The following OPRM1 variants were observed in gnomAD, a reference collection of about 807,000 sequenced individuals.
The protein encoded by OPRM1 is mu-type opioid receptor.
A neutral mutation model predicts 31.8 loss-of-function variants in OPRM1; 27 were observed. The ratio of observed to expected loss-of-function variants is 0.85; its 90% CI spans 0.63 to 1.17. OPRM1 has a LOEUF of 1.17. OPRM1 is among the 50% of genes most tolerant of loss of function. OPRM1 has a pLI of 0.00. For missense variants in OPRM1, 536 were observed against 511.1 expected (o/e 1.05, Z -0.47); for synonymous variants, 196 against 189.9 (o/e 1.03, Z -0.26).
At chr6:154,029,992 A>G (rs1778918553) in intron 1 of OPRM1, among the ~76,000 whole-genome samples, 1 of 151,948 alleles carries the variant, frequency 6.6e-6, no homozygotes, top group South Asian at 2.1e-4. Flanking sequence ...TAGCAGCGTG[A>G]GAATGGTCTA....
chr6:154,054,956 A>T (rs1290217090), intron 1 of OPRM1, among the ~76,000 whole-genome samples: 1 of 152,234 alleles, frequency 6.6e-6, no homozygotes, highest in Non-Finnish European at 1.5e-5. Context: ...TAGTGACTAC[A>T]CTAGACACCT....
At chr6:154,042,004 T>C (rs1009227602) in intron 1 of OPRM1, among the ~76,000 whole-genome samples, 9 of 152,152 alleles carry the variant, frequency 5.9e-5, no homozygotes, top group African/African-American at 2.2e-4. Context: ...AGGCATTACC[T>C]CTGGCCTCTT....
intron 3 of OPRM1, among the ~76,000 whole-genome samples, chr6:154,233,801 G>A (rs866326299): frequency 3.3e-5 from 5 of 152,246 alleles, no homozygotes; most frequent in Middle Eastern, 3.4e-3. Context: ...ATCTCACTGT[G>A]GGAAAGCTTC....
chr6:154,055,389 A>G (rs2128423014), intron 1 of OPRM1, among the ~76,000 whole-genome samples: 1 of 151,852 alleles, frequency 6.6e-6, no homozygotes, highest in South Asian at 2.1e-4. Flanking sequence ...CATCGTCTGA[A>G]AAAATTAATG....
intron 3 of OPRM1, among the ~76,000 whole-genome samples, chr6:154,112,073 T>C (rs1796424751): frequency 6.6e-6 from 1 of 152,106 alleles, no homozygotes; most frequent in African/African-American, 2.4e-5. Context: ...CCAAAAACTA[T>C]AGTTTAAAAA....
intron 3 of OPRM1, among the ~76,000 whole-genome samples, chr6:154,114,789 T>C (rs1250184814): frequency 2.0e-5 from 3 of 151,766 alleles, no homozygotes; most frequent in Non-Finnish European, 4.4e-5. Flanking sequence ...GGCTGCTACA[T>C]TGAGATATTA....
At chr6:154,211,258 T>C (rs1463203849) in intron 3 of OPRM1, among the ~76,000 whole-genome samples, 1 of 151,734 alleles carries the variant, frequency 6.6e-6, no homozygotes, top group African/African-American at 2.4e-5. Flanking sequence ...CTACTAAAAA[T>C]ACAAAAAATT....
intron 3 of OPRM1, among the ~76,000 whole-genome samples, chr6:154,101,775 C>A (rs1284906908): frequency 1.3e-5 from 2 of 151,952 alleles, no homozygotes; most frequent in Non-Finnish European, 2.9e-5. Context: ...TTTCCAAACA[C>A]CTAGTTTTCA....
chr6:154,067,483 A>AT (rs139435580), intron 1 of OPRM1, among the ~76,000 whole-genome samples: 2,067 of 151,428 alleles, frequency 0.014, 53 homozygotes, highest in African/African-American at 0.048. Flanking sequence ...TATGTTATTG[A>AT]TTTTTTTTAA....
chr6:154,039,335 G>T lies in OPRM1; in HGVS notation c.-210G>T, dbSNP rs748857790. ...TGAGCCTCTGTGAACTACTAAGGTG[G>T]GAGGGGGCTATACGCAGAGGAGAAT... On this transcript the variant is annotated 5_prime_UTR_variant, in exon 1 of 4. Coordinates refer to ENST00000330432, the MANE Select transcript of OPRM1 (RefSeq NM_000914.5). The T allele has an allele frequency of 1.9e-6, 3 of 1,549,142 alleles. No individual in the cohort carries two copies. The highest frequency in any genetic ancestry group is 2.4e-5 in the South Asian group (2 of 83,654).
At chr6:154,078,595 A>G (rs1410889236) in intron 1 of OPRM1, among the ~76,000 whole-genome samples, 1 of 152,224 alleles carries the variant, frequency 6.6e-6, no homozygotes, top group Non-Finnish European at 1.5e-5. Context: ...CCTAGGCTGC[A>G]TGTGGCAGCT....
intron 3 of OPRM1, among the ~76,000 whole-genome samples, chr6:154,176,159 G>A (rs1800309467): frequency 6.6e-6 from 1 of 152,146 alleles, no homozygotes; most frequent in African/African-American, 2.4e-5. Context: ...ACTAGGTATT[G>A]ATGGAATGTA....
At chr6:154,235,531 C>CAAAAA (rs34877577) in intron 3 of OPRM1, among the ~76,000 whole-genome samples, 3 of 97,490 alleles carry the variant, frequency 3.1e-5, no homozygotes, top group African/African-American at 3.7e-5. Flanking sequence ...AACTCTGTCA[C>CAAAAA]AAAAAAAAAA....
At chr6:154,177,840 A>T (rs1800474924) in intron 3 of OPRM1, among the ~76,000 whole-genome samples, 1 of 152,196 alleles carries the variant, frequency 6.6e-6, no homozygotes, top group African/African-American at 2.4e-5. Context: ...ACATGCACAC[A>T]TATGTTTATT....
At chr6:154,162,908 C>T (rs1017602692) in intron 3 of OPRM1, among the ~76,000 whole-genome samples, 1 of 152,152 alleles carries the variant, frequency 6.6e-6, no homozygotes, top group Non-Finnish European at 1.5e-5. Flanking sequence ...TCTCTACATC[C>T]CCACCCCACC....
intron 3 of OPRM1, among the ~76,000 whole-genome samples, chr6:154,191,437 GC>G (rs1443232438): frequency 1.3e-5 from 2 of 152,132 alleles, no homozygotes; most frequent in East Asian, 3.9e-4. Flanking sequence ...ACTTTGGGAG[GC>G]CGAGGCAGGT....
downstream of OPRM1, among the ~76,000 whole-genome samples, chr6:154,133,162 C>T (rs533099986): frequency 4.0e-5 from 6 of 151,428 alleles, no homozygotes; most frequent in East Asian, 9.7e-4. Flanking sequence ...CTCAAAATAA[C>T]ATTGCATAAC....
At chr6:154,146,186 G>A (rs1284855502) in intron 3 of OPRM1, among the ~76,000 whole-genome samples, 2 of 152,242 alleles carry the variant, frequency 1.3e-5, no homozygotes, top group Admixed American at 1.3e-4. Flanking sequence ...GATCTCTTGA[G>A]GTCAGGAGTT....
At chr6:154,177,767 G>A (rs1482204917) in intron 3 of OPRM1, among the ~76,000 whole-genome samples, 1 of 152,172 alleles carries the variant, frequency 6.6e-6, no homozygotes, top group Admixed American at 6.5e-5. Context: ...AATACCATTT[G>A]AGCCAGCAAT....
Sources: gnomAD v4.1 joint callset for allele counts (sites outside exome capture counted in the v4.1 genomes callset) on GRCh38, gnomAD v4.1.1 for gene constraint, MANE v1.5 for transcripts, NCBI Gene and HGNC (gene_info 2026-07-23, HGNC 2026-07-21) for gene names.